Variants in RBFOX1 observed in about 807,000 individuals in gnomAD.
The protein encoded by RBFOX1 is RNA binding protein fox-1 homolog 1.
In RBFOX1, 8 loss-of-function variants were observed where a neutral mutation model predicts 57.7. The ratio of observed to expected loss-of-function variants is 0.14; its 90% CI spans 0.08 to 0.25. The LOEUF (loss-of-function observed/expected upper bound fraction) is 0.25. Among genes scored for constraint, RBFOX1 ranks in the 10% least tolerant of loss-of-function variants. RBFOX1 has a pLI of 1.00. For missense variants in RBFOX1, 611 were observed against 548.5 expected (o/e 1.11, Z -1.14); for synonymous variants, 326 against 222.4 (o/e 1.47, Z -4.15).
At chr16:7,114,156 G>T (rs868481346) in intron 4 of RBFOX1, among the ~76,000 whole-genome samples, 1 of 152,272 alleles carries the variant, frequency 6.6e-6, no homozygotes, top group Middle Eastern at 3.4e-3. Flanking sequence ...TTGTACTTAA[G>T]AGATCAGAGT....
At chr16:7,523,542 G>T (rs1340534397) in intron 5 of RBFOX1, among the ~76,000 whole-genome samples, 1 of 152,198 alleles carries the variant, frequency 6.6e-6, no homozygotes, top group African/African-American at 2.4e-5. Context: ...GAATGTAAAT[G>T]TATGGTGGAC....
At chr16:7,292,863 T>A (rs1428890497) in intron 4 of RBFOX1, among the ~76,000 whole-genome samples, 1 of 152,112 alleles carries the variant, frequency 6.6e-6, no homozygotes, top group Non-Finnish European at 1.5e-5. Flanking sequence ...GATGGCTTGA[T>A]ACAAAGCTGG....
intron 4 of RBFOX1, among the ~76,000 whole-genome samples, chr16:7,432,689 A>G (rs1307199236): frequency 2.0e-5 from 3 of 152,182 alleles, no homozygotes; most frequent in South Asian, 2.1e-4. Context: ...ACCAAAACAG[A>G]TGGTTGGCTG....
At chr16:7,289,528 A>G (rs1044771319) in intron 4 of RBFOX1, among the ~76,000 whole-genome samples, 2 of 152,050 alleles carry the variant, frequency 1.3e-5, no homozygotes, top group African/African-American at 4.8e-5. Flanking sequence ...CATCATCACC[A>G]TTATCACCAT....
At chr16:5,497,204 C>T (rs939293734) in intron 2 of RBFOX1, among the ~76,000 whole-genome samples, 1 of 152,010 alleles carries the variant, frequency 6.6e-6, no homozygotes, top group Non-Finnish European at 1.5e-5. Flanking sequence ...GAATTTAGAT[C>T]CACTCTTGAA....
At chr16:5,652,241 T>G (rs1412600369) in intron 3 of RBFOX1, among the ~76,000 whole-genome samples, 1 of 152,212 alleles carries the variant, frequency 6.6e-6, no homozygotes, top group Non-Finnish European at 1.5e-5. Flanking sequence ...TTTATATATT[T>G]GATTTTATTT....
At chr16:5,518,387 C>A (rs1173915327) in intron 2 of RBFOX1, among the ~76,000 whole-genome samples, 1 of 152,152 alleles carries the variant, frequency 6.6e-6, no homozygotes, top group Non-Finnish European at 1.5e-5. Context: ...CCCTTCATCA[C>A]TGATGTGTCA....
intron 3 of RBFOX1, among the ~76,000 whole-genome samples, chr16:6,740,040 C>G (rs1328080290): frequency 6.6e-6 from 1 of 152,104 alleles, no homozygotes. Flanking sequence ...CAAATAGAAT[C>G]TAACAATATA....
At chr16:6,670,553 C>A (rs963510647) in intron 3 of RBFOX1, among the ~76,000 whole-genome samples, 1 of 152,144 alleles carries the variant, frequency 6.6e-6, no homozygotes, top group Admixed American at 6.5e-5. Flanking sequence ...CATAAGTAGA[C>A]TTAAACACCC....
At chr16:7,537,260 A>G (rs905528808) in intron 5 of RBFOX1, among the ~76,000 whole-genome samples, 45 of 152,240 alleles carry the variant, frequency 3.0e-4, no homozygotes, top group Non-Finnish European at 7.3e-5. Flanking sequence ...GTTGGAGTCA[A>G]TATCAAATGA....
intron 2 of RBFOX1, among the ~76,000 whole-genome samples, chr16:6,397,783 T>C (rs556430599): frequency 7.3e-4 from 111 of 152,298 alleles, no homozygotes; most frequent in African/African-American, 2.6e-3. Context: ...ACACTTGCCA[T>C]GAAGTAGCAC....
At chr16:5,409,223 G>T (rs1051110656) in intron 1 of RBFOX1, among the ~76,000 whole-genome samples, 4 of 152,154 alleles carry the variant, frequency 2.6e-5, no homozygotes, top group Admixed American at 2.6e-4. Flanking sequence ...CGATCAGAAG[G>T]CGATGGCTTG....
intron 5 of RBFOX1, among the ~76,000 whole-genome samples, chr16:7,567,656 T>TAG (rs1164364701): frequency 1.2e-4 from 15 of 124,512 alleles, no homozygotes; most frequent in African/African-American, 4.0e-4. Flanking sequence ...TGGCCCTATA[T>TAG]ATATATATCC....
At chr16:5,367,248 C>G (rs979377368) in intron 1 of RBFOX1, among the ~76,000 whole-genome samples, 14 of 152,160 alleles carry the variant, frequency 9.2e-5, no homozygotes, top group African/African-American at 3.1e-4. Context: ...ATAGTTTCTG[C>G]ACACAAGTGG....
chr16:5,795,030 C>T (rs1296349095), intron 3 of RBFOX1, among the ~76,000 whole-genome samples: 1 of 152,154 alleles, frequency 6.6e-6, no homozygotes, highest in Non-Finnish European at 1.5e-5. Flanking sequence ...TTTTCTTCTC[C>T]CCAGTTGTAT....
chr16:6,999,683 A>G (rs2092617407), intron 3 of RBFOX1, among the ~76,000 whole-genome samples: 1 of 152,128 alleles, frequency 6.6e-6, no homozygotes, highest in Non-Finnish European at 1.5e-5. Context: ...AATCCAAAAT[A>G]TACTATTATT....
intron 1 of RBFOX1, among the ~76,000 whole-genome samples, chr16:5,298,192 T>C (rs1002182371): frequency 6.6e-6 from 1 of 152,208 alleles, no homozygotes; most frequent in African/African-American, 2.4e-5. Flanking sequence ...GAAGTTTGGA[T>C]TTTTATGTGA....
intron 3 of RBFOX1, among the ~76,000 whole-genome samples, chr16:5,730,100 C>T (rs1014877635): frequency 1.3e-5 from 2 of 152,216 alleles, no homozygotes; most frequent in Admixed American, 1.3e-4. Flanking sequence ...TCAGAACTTA[C>T]CTGTCAGTGT....
intron 3 of RBFOX1, among the ~76,000 whole-genome samples, chr16:6,700,357 C>CA (rs764836272): frequency 0.011 from 1,075 of 100,018 alleles, 14 homozygotes; most frequent in African/African-American, 0.028. Flanking sequence ...AAGGTTAAAA[C>CA]AAAAAAAAAA....
Sources: allele counts gnomAD v4.1 joint callset (sites outside exome capture counted in the v4.1 genomes callset), GRCh38; gene constraint gnomAD v4.1.1; transcripts MANE v1.5; gene names NCBI Gene and HGNC (gene_info 2026-07-23, HGNC 2026-07-21).